The following SCARA5 variants were observed in gnomAD, a reference collection of about 807,000 sequenced individuals.
The protein encoded by SCARA5 is scavenger receptor class A member 5.
Under a neutral mutation model 46.3 loss-of-function variants are expected in SCARA5, and 45 were observed. The ratio of observed to expected loss-of-function variants is 0.97; its 90% CI spans 0.76 to 1.24. The LOEUF is 1.24. SCARA5 is among the 50% of genes most tolerant of loss of function. The pLI, the probability that SCARA5 is intolerant of heterozygous loss-of-function variation, is 0.00. For synonymous variants in SCARA5, 333 were observed against 306.5 expected (o/e 1.09, Z -0.90); for missense variants, 680 against 689.0 (o/e 0.99, Z 0.15).
chr8:27,978,475 T>A (rs531739444), intron 2 of SCARA5, among the ~76,000 whole-genome samples: 14 of 152,256 alleles, frequency 9.2e-5, no homozygotes, highest in African/African-American at 3.1e-4. Context: ...TGTTCAAGTG[T>A]CCCACTTTAT....
chr8:27,905,523 T>TGGCGGGAAGG (rs751627046), intron 6 of SCARA5, among the ~76,000 whole-genome samples: 1 of 53,638 alleles, frequency 1.9e-5, no homozygotes, highest in Non-Finnish European at 5.1e-5. Context: ...ATCCAAGATT[T>TGGCGGGAAGG]GGGGGGGGGA....
chr8:27,922,203 G>T lies in SCARA5; in HGVS notation c.284C>A (p.Thr95Asn), dbSNP rs1381405179. The T allele has an allele frequency of 6.3e-7, 1 of 1,593,968 alleles. No homozygotes were observed. The change falls in exon 4 of 9, where the codon ACT becomes AAT. Residue 95 changes from threonine (T) to asparagine (N), a missense_variant. Physicochemically the swap from Thr to Asn is moderately conservative, Grantham distance 65. Transcript: ENST00000354914. Reference protein sequence around the residue: ...RSSPDDLKALTRNVNRLNESF... With the variant: ...RSSPDDLKALNRNVNRLNESF... Reference sequence around the variant, plus strand: ...CTCATTCAGCCGGTTCACATTGCGAGTCAGGGCCTTCAGGTCGTCAGGGGA... The same window carrying T: ...CTCATTCAGCCGGTTCACATTGCGATTCAGGGCCTTCAGGTCGTCAGGGGA...
intron 2 of SCARA5, among the ~76,000 whole-genome samples, chr8:27,983,256 G>C (rs146891585): frequency 6.6e-6 from 1 of 152,350 alleles, no homozygotes; most frequent in East Asian, 1.9e-4. Context: ...GGATGGGCAG[G>C]AGGGCGTGTG....
At chr8:27,945,890 A>G (rs771551686) in intron 3 of SCARA5, among the ~76,000 whole-genome samples, 1 of 152,238 alleles carries the variant, frequency 6.6e-6, no homozygotes, top group Non-Finnish European at 1.5e-5. Flanking sequence ...CTCTAAAAGT[A>G]ATGGAACAGT....
rs1223582155 is a variant in SCARA5 at position 27,966,653 on chromosome 8, C to A, written c.113-111G>T. The A allele has an allele frequency of 5.2e-6, 6 of 1,164,490 alleles. No individual in the cohort carries two copies. In the African/African-American group the frequency reaches 9.3e-5, roughly 18 times the overall value. 72.1% of individuals were successfully genotyped at this position (1,164,490 alleles called of 1,614,324 possible). ...GATGCATGCAGATGTTCATGTTGAA[C>A]TTCTCACATCCCTTTTGCATGTCTA... On this transcript the variant is annotated intron_variant, in intron 2 of 8. Transcript: ENST00000354914.
chr8:27,959,160 G>A (rs1430647038), intron 3 of SCARA5, among the ~76,000 whole-genome samples: 1 of 152,152 alleles, frequency 6.6e-6, no homozygotes, highest in Non-Finnish European at 1.5e-5. Flanking sequence ...TTGAACCCGG[G>A]AGGCAGAGGT....
Position 27,907,643 on chromosome 8 carries a change from C to T in SCARA5, c.998-397G>A, listed in dbSNP as rs145948476. On this transcript the variant is annotated intron_variant, in intron 5 of 8. Coordinates refer to ENST00000354914, the MANE Select transcript of SCARA5 (RefSeq NM_173833.6). The stretch of plus-strand genomic sequence containing the variant: ...AGGCTGGAGTGGCACGATCTCGGCT[C>T]ACTACAACCTCCGCCTCCTAGGTTC... Among the ~76,000 whole-genome samples, 842 of 145,716 alleles carry T rather than the reference C, an allele frequency of 5.8e-3. 7 individuals carry two copies. Among genetic ancestry groups the T allele is most frequent in the African/African-American group, 0.02 (794 of 39,108 alleles).
chr8:27,900,792 T>G (rs1321259271), intron 7 of SCARA5, among the ~76,000 whole-genome samples: 2 of 146,730 alleles, frequency 1.4e-5, no homozygotes, highest in East Asian at 3.9e-4. Context: ...GTAGCGGGTT[T>G]TTTTTTTTTT....
intron 3 of SCARA5, among the ~76,000 whole-genome samples, chr8:27,928,001 G>A (rs1056239671): frequency 9.2e-5 from 14 of 152,128 alleles, no homozygotes; most frequent in East Asian, 1.9e-4. Context: ...TTCAGGTACC[G>A]GGGCTAATCA....
At chr8:27,894,608 G>A (rs1050945311) in intron 7 of SCARA5, among the ~76,000 whole-genome samples, 1 of 152,316 alleles carries the variant, frequency 6.6e-6, no homozygotes, top group Non-Finnish European at 1.5e-5. Flanking sequence ...GTGGATCTGG[G>A]ATCAAGCCCC....
At chr8:27,897,392 AGTCAAACCACTC>A (rs1807081079) in intron 7 of SCARA5, among the ~76,000 whole-genome samples, 3 of 152,256 alleles carry the variant, frequency 2.0e-5, no homozygotes, top group African/African-American at 7.2e-5. Context: ...CTAAATAAAC[AGTCAAACCACTC>A]TTGGTTTTCA....
chr8:27,904,522 G>A (rs886640418), intron 7 of SCARA5: 1 of 559,960 alleles, frequency 1.8e-6, no homozygotes, highest in African/African-American at 1.9e-5. Flanking sequence ...GCTAGCGAGT[G>A]ACCGGGGGAA....
At chr8:27,973,147 A>G (rs1216551172) in intron 2 of SCARA5, among the ~76,000 whole-genome samples, 1 of 152,218 alleles carries the variant, frequency 6.6e-6, no homozygotes, top group Non-Finnish European at 1.5e-5. Context: ...ATTGGCTGGA[A>G]AAACACATTT....
intron 3 of SCARA5, among the ~76,000 whole-genome samples, chr8:27,947,488 AC>A (rs869280821): frequency 2.1e-5 from 2 of 94,256 alleles, no homozygotes; most frequent in Non-Finnish European, 5.5e-5. Flanking sequence ...ATGTCCACTG[AC>A]AGATGGATGG....
intron 5 of SCARA5, among the ~76,000 whole-genome samples, chr8:27,908,569 G>T (rs1024458111): frequency 6.6e-6 from 1 of 152,180 alleles, no homozygotes; most frequent in African/African-American, 2.4e-5. Flanking sequence ...CCTCTAGTCC[G>T]AAGGTCCAAT....
intron 2 of SCARA5, among the ~76,000 whole-genome samples, chr8:27,984,524 C>T (rs1324745868): frequency 6.6e-6 from 1 of 152,148 alleles, no homozygotes; most frequent in East Asian, 1.9e-4. Context: ...ATTCATTCAT[C>T]CATCTATCCA....
chr8:27,877,698 C>A lies in SCARA5; in HGVS notation c.1351+1871G>T, dbSNP rs542185773. ...TTAGTCAAAACCAGCTGGAATCCAG[C>A]CCCAAGCCTTAGGTGGGAGAACAGT... is the stretch of plus-strand genomic sequence containing the variant. On this transcript the variant is annotated intron_variant, in intron 8 of 8. Transcript: ENST00000354914. Among the ~76,000 whole-genome samples the A allele has an allele frequency of 2.8e-4, 43 of 152,322 alleles. No individual in the cohort carries two copies. The South Asian group carries it at 8.3e-3, about 29-fold the overall frequency.
intron 5 of SCARA5, among the ~76,000 whole-genome samples, chr8:27,907,915 C>T: frequency 6.6e-6 from 1 of 152,276 alleles, no homozygotes; most frequent in Admixed American, 6.5e-5. Flanking sequence ...GTGCCAGGCC[C>T]TGCTCTGGAT....
chr8:27,889,141 T>C (rs1806943666), intron 7 of SCARA5, among the ~76,000 whole-genome samples: 1 of 152,120 alleles, frequency 6.6e-6, no homozygotes, highest in Admixed American at 6.5e-5. Flanking sequence ...CTTGAGCTTG[T>C]TCCCCAGTAA....
Sources: allele counts gnomAD v4.1 joint callset (sites outside exome capture counted in the v4.1 genomes callset), GRCh38; gene constraint gnomAD v4.1.1; transcripts MANE v1.5; gene names NCBI Gene and HGNC (gene_info 2026-07-23, HGNC 2026-07-21).